LARGE1: variants seen among roughly 807,000 people sequenced by gnomAD.
The protein encoded by LARGE1 is LARGE xylosyl- and glucuronyltransferase 1, also known as xylosyl- and glucuronyltransferase LARGE1.
Under a neutral mutation model 87.6 loss-of-function variants are expected in LARGE1, and 43 were observed. The observed-to-expected ratio is 0.49, with a 90% CI of 0.38 to 0.63. The LOEUF (loss-of-function observed/expected upper bound fraction) is 0.63. Ranked by LOEUF, LARGE1 falls within the 30% of genes least tolerant of loss-of-function variation. The pLI is 0.00. For synonymous variants in LARGE1, 434 were observed against 394.6 expected (o/e 1.10, Z -1.18); for missense variants, 802 against 1,000.2 (o/e 0.80, Z 2.67).
intron 11 of LARGE1, among the ~76,000 whole-genome samples, chr22:33,243,721 T>C (rs189454104): frequency 2.6e-5 from 4 of 152,336 alleles, no homozygotes; most frequent in East Asian, 3.9e-4. Context: ...TGTGCTAATA[T>C]TTTTTTGTGG....
chr22:33,704,730 A>G (rs999564674), intron 2 of LARGE1: 2 of 152,060 alleles, frequency 1.3e-5, no homozygotes, highest in Non-Finnish European at 1.5e-5. Flanking sequence ...TGATACACCA[A>G]CCTTTATGCA....
intron 7 of LARGE1, among the ~76,000 whole-genome samples, chr22:33,419,506 C>T (rs1192801965): frequency 1.3e-5 from 2 of 152,128 alleles, no homozygotes. Context: ...TTCCAGCTCT[C>T]AGCATGGCTG....
intron 6 of LARGE1, among the ~76,000 whole-genome samples, chr22:33,507,365 A>G (rs2070816016): frequency 6.6e-6 from 1 of 152,190 alleles, no homozygotes; most frequent in South Asian, 2.1e-4. Context: ...TATGCCCAGG[A>G]GAAGGAAATT....
chr22:33,813,663 T>C (rs1205209078), intron 1 of LARGE1, among the ~76,000 whole-genome samples: 1 of 152,202 alleles, frequency 6.6e-6, no homozygotes, highest in South Asian at 2.1e-4. Context: ...GTTCCATCTT[T>C]TCTGCCTAGT....
At chr22:33,761,251 T>C (rs2084718448) in intron 2 of LARGE1, 120 bp downstream of exon 2, 1 of 878,876 alleles carries the variant, frequency 1.1e-6, no homozygotes, top group East Asian at 2.4e-5. Context: ...GACAAGTCAC[T>C]TCCCATGACT....
At chr22:33,234,948 AG>A (rs1380411848) in intron 11 of LARGE1, among the ~76,000 whole-genome samples, 1 of 152,220 alleles carries the variant, frequency 6.6e-6, no homozygotes, top group African/African-American at 2.4e-5. Context: ...TAATTACAAA[AG>A]CACTTTGAGA....
intron 6 of LARGE1, among the ~76,000 whole-genome samples, chr22:33,502,153 A>G (rs2070472166): frequency 6.6e-6 from 1 of 150,986 alleles, no homozygotes; most frequent in Admixed American, 6.6e-5. Flanking sequence ...CCGAGATTGC[A>G]CCACTGCACT....
chr22:33,427,373 T>C (rs1349256633), intron 7 of LARGE1, among the ~76,000 whole-genome samples: 3 of 152,162 alleles, frequency 2.0e-5, no homozygotes, highest in South Asian at 4.2e-4. Flanking sequence ...ACAGCTCTAG[T>C]AAAAAGGGAA....
At chr22:33,637,312 T>C (rs2080296054) in intron 3 of LARGE1, among the ~76,000 whole-genome samples, 1 of 152,196 alleles carries the variant, frequency 6.6e-6, no homozygotes. Flanking sequence ...TCATTCTCAG[T>C]GGCACAATTT....
intron 11 of LARGE1, among the ~76,000 whole-genome samples, chr22:33,176,562 A>G (rs1317559598): frequency 2.0e-5 from 3 of 152,206 alleles, no homozygotes. Context: ...CAAAATGCTC[A>G]TCATCACTGG....
chr22:33,283,934 G>T (rs754947761), intron 12 of LARGE1, among the ~76,000 whole-genome samples: 2 of 151,880 alleles, frequency 1.3e-5, no homozygotes, highest in Non-Finnish European at 2.9e-5. Context: ...AAGAAGGAAA[G>T]AAAGAAAAGG....
intron 1 of LARGE1, among the ~76,000 whole-genome samples, chr22:33,816,681 TAGATAGATAGACAGACAGAC>T (rs2086659580): frequency 7.7e-6 from 1 of 129,622 alleles, no homozygotes; most frequent in Admixed American, 7.3e-5. Context: ...GATGGATAGA[TAGATAGATAGACAGACAGAC>T]AGACAGACAG....
intron 14 of LARGE1, among the ~76,000 whole-genome samples, chr22:33,275,889 C>T (rs1929172340): frequency 6.6e-6 from 1 of 152,180 alleles, no homozygotes; most frequent in Admixed American, 6.6e-5. Context: ...GCTGACTGAA[C>T]ACTGTTGTCT....
intron 1 of LARGE1, among the ~76,000 whole-genome samples, chr22:33,856,345 T>C (rs1180554042): frequency 6.6e-6 from 1 of 152,108 alleles, no homozygotes; most frequent in Non-Finnish European, 1.5e-5. Context: ...GTGGTGGGTC[T>C]AAGCAGTCAC....
chr22:33,604,484 C>A lies in LARGE1; in HGVS notation c.566G>T (p.Trp189Leu). 1 of 1,614,128 alleles carries A rather than the reference C, an allele frequency of 6.2e-7. No homozygotes were observed. Among genetic ancestry groups the A allele is most frequent in the Non-Finnish European group, 8.5e-7 (1 of 1,179,998 alleles). Reference protein sequence around the residue: ...EQILATLFQTWMVPAVRVDFY... With the variant: ...EQILATLFQTLMVPAVRVDFY... ...GTCCACACGCACAGCGGGCACCATC[C>A]AGGTCTGGAAGAGCGTGGCCAGGAT... is the stretch of plus-strand genomic sequence containing the variant. The change falls in exon 5 of 15, where the codon TGG (tryptophan) becomes TTG (leucine). Residue 189 changes from tryptophan (W) to leucine (L), a missense_variant. Transcript: ENST00000397394.
intron 9 of LARGE1, 60 bp from the exon 10 acceptor site, chr22:33,337,861 C>T: frequency 1.9e-6 from 3 of 1,561,188 alleles, no homozygotes; most frequent in Non-Finnish European, 2.6e-6. Context: ...ATCCCTCACA[C>T]CTGTAGGAAG....
chr22:33,210,443 C>T (rs1454570195), intron 11 of LARGE1, among the ~76,000 whole-genome samples: 1 of 152,264 alleles, frequency 6.6e-6, no homozygotes, highest in East Asian at 1.9e-4. Flanking sequence ...CAGCCATGGT[C>T]TCCTGTCCTC....
In LARGE1 at chr22:33,545,690, C is replaced by T. The variant is rs183689496; in HGVS notation, c.787+19158G>A. Reference sequence around the variant, plus strand: ...CTTACCTCAAGTGATCTGTCTGCCTCGGCTTCCCAAAGTGCTAGGATTACA... The same window carrying T: ...CTTACCTCAAGTGATCTGTCTGCCTTGGCTTCCCAAAGTGCTAGGATTACA... On this transcript the variant is annotated intron_variant, in intron 6 of 14. Transcript: ENST00000397394. 4.2e-4 allele frequency among the ~76,000 whole-genome samples: 64 copies of T among 152,170 alleles called. 1 individual carries two copies. The highest frequency in any genetic ancestry group is 1.7e-3 in the South Asian group (8 of 4,820).
chr22:33,691,165 G>A (rs2082087441), intron 2 of LARGE1, among the ~76,000 whole-genome samples: 1 of 152,074 alleles, frequency 6.6e-6, no homozygotes, highest in African/African-American at 2.4e-5. Context: ...ACCCCAGAAT[G>A]GCTCTGGGCA....
Sources: allele counts gnomAD v4.1 joint callset (sites outside exome capture counted in the v4.1 genomes callset), GRCh38; gene constraint gnomAD v4.1.1; transcripts MANE v1.5; gene names NCBI Gene and HGNC (gene_info 2026-07-23, HGNC 2026-07-21).